Variants in PDGFD observed in about 807,000 individuals in gnomAD.
PDGFD encodes the protein platelet derived growth factor D, also known as platelet-derived growth factor D.
A neutral mutation model predicts 44.7 loss-of-function variants in PDGFD; 30 were observed. The observed-to-expected ratio is 0.67, with a 90% CI of 0.50 to 0.91. The LOEUF is 0.91. Ranked by LOEUF, PDGFD falls within the 40% of genes least tolerant of loss-of-function variation. The pLI is 0.00. For missense variants in PDGFD, 445 were observed against 457.8 expected (o/e 0.97, Z 0.25); for synonymous variants, 173 against 168.4 (o/e 1.03, Z -0.21).
intron 1 of PDGFD, among the ~76,000 whole-genome samples, chr11:104,023,641 A>G (rs1390436379): frequency 6.6e-6 from 1 of 152,180 alleles, no homozygotes. Context: ...GAAATGTCAC[A>G]TAACTTTTTC....
chr11:104,037,657 A>G (rs1159410971), intron 1 of PDGFD: 14 of 1,614,046 alleles, frequency 8.7e-6, no homozygotes, highest in Non-Finnish European at 1.2e-5. Context: ...ATGTAACATC[A>G]TGAGGCTGGT....
intron 3 of PDGFD, among the ~76,000 whole-genome samples, chr11:103,950,594 A>ATAAATAAATAAATAAATAAG (rs1858740230): frequency 6.6e-6 from 1 of 151,832 alleles, no homozygotes; most frequent in South Asian, 2.1e-4. Flanking sequence ...AAATAAATAA[A>ATAAATAAATAAATAAATAAG]TAAGAAAATG....
chr11:104,150,855 A>G (rs1862233565), intron 1 of PDGFD, among the ~76,000 whole-genome samples: 2 of 152,198 alleles, frequency 1.3e-5, no homozygotes, highest in Admixed American at 1.3e-4. Flanking sequence ...AAGATCCTTA[A>G]GTAAATCATA....
At chr11:104,054,404 G>A (rs1860590634) in intron 1 of PDGFD, among the ~76,000 whole-genome samples, 2 of 151,956 alleles carry the variant, frequency 1.3e-5, no homozygotes, top group South Asian at 2.1e-4. Context: ...CTAAATATAC[G>A]ACAATGTAAA....
At chr11:104,053,972 A>C (rs1860581088) in intron 1 of PDGFD, among the ~76,000 whole-genome samples, 1 of 152,196 alleles carries the variant, frequency 6.6e-6, no homozygotes, top group Non-Finnish European at 1.5e-5. Context: ...TGACATATAG[A>C]AAGAACAAAA....
At chr11:104,109,446 G>A (rs932735260) in intron 1 of PDGFD, among the ~76,000 whole-genome samples, 7 of 152,040 alleles carry the variant, frequency 4.6e-5, no homozygotes, top group African/African-American at 1.7e-4. Flanking sequence ...ATCAATAAAT[G>A]CTATTGATGT....
intron 3 of PDGFD, among the ~76,000 whole-genome samples, chr11:103,968,745 C>T (rs1328121590): frequency 6.6e-6 from 1 of 152,104 alleles, no homozygotes; most frequent in Non-Finnish European, 1.5e-5. Flanking sequence ...AAAGCAAAAT[C>T]GAAACATACA....
At chr11:103,975,530 C>T (rs1376683173) in intron 3 of PDGFD, among the ~76,000 whole-genome samples, 1 of 152,020 alleles carries the variant, frequency 6.6e-6, no homozygotes, top group Non-Finnish European at 1.5e-5. Flanking sequence ...CTTTTGTTGC[C>T]ATTGCTTTTG....
intron 1 of PDGFD, among the ~76,000 whole-genome samples, chr11:104,018,408 C>G (rs766441465): frequency 3.9e-5 from 6 of 152,158 alleles, no homozygotes; most frequent in Non-Finnish European, 5.9e-5. Context: ...TATCTCACTT[C>G]GTTAGATTTA....
intron 3 of PDGFD, among the ~76,000 whole-genome samples, chr11:103,971,699 A>T (rs1436472121): frequency 6.6e-6 from 1 of 152,216 alleles, no homozygotes; most frequent in Non-Finnish European, 1.5e-5. Flanking sequence ...CTAGGACATT[A>T]TGTTGTTTAT....
At chr11:104,115,826 G>A (rs751389344) in intron 1 of PDGFD, among the ~76,000 whole-genome samples, 1 of 151,844 alleles carries the variant, frequency 6.6e-6, no homozygotes, top group Non-Finnish European at 1.5e-5. Flanking sequence ...TTGGCCATTT[G>A]TATATCTTCT....
At chr11:103,946,868 T>A (rs1377847356) in intron 4 of PDGFD, among the ~76,000 whole-genome samples, 1 of 151,924 alleles carries the variant, frequency 6.6e-6, no homozygotes, top group Non-Finnish European at 1.5e-5. Flanking sequence ...AAAGAGTTTT[T>A]AAAAAATCCT....
intron 1 of PDGFD, among the ~76,000 whole-genome samples, chr11:104,084,089 C>T (rs1861085473): frequency 6.6e-6 from 1 of 152,162 alleles, no homozygotes; most frequent in South Asian, 2.1e-4. Context: ...TGCATTTGCT[C>T]AACAAATGTG....
intron 1 of PDGFD, among the ~76,000 whole-genome samples, chr11:104,014,078 G>A (rs1039303264): frequency 1.3e-5 from 2 of 152,136 alleles, no homozygotes; most frequent in African/African-American, 4.8e-5. Flanking sequence ...AAATGGAAAT[G>A]ACAAATTAAC....
chr11:104,033,727 A>G (rs976908716), intron 1 of PDGFD, among the ~76,000 whole-genome samples: 2 of 152,182 alleles, frequency 1.3e-5, no homozygotes, highest in Non-Finnish European at 2.9e-5. Context: ...CTATTTGGGG[A>G]AAAAAGATAA....
At chr11:103,942,162 T>C (rs1487914) in intron 5 of PDGFD, among the ~76,000 whole-genome samples, 86,660 of 151,988 alleles carry the variant, frequency 0.57, 27,062 homozygotes, top group African/African-American at 0.84. Flanking sequence ...AGGTTCACAG[T>C]TCTTAAAAGT....
intron 6 of PDGFD, among the ~76,000 whole-genome samples, chr11:103,913,944 T>C (rs1858071597): frequency 6.6e-6 from 1 of 152,006 alleles, no homozygotes; most frequent in Non-Finnish European, 1.5e-5. Flanking sequence ...TGTATGGACC[T>C]TGGGGGACAG....
intron 5 of PDGFD, among the ~76,000 whole-genome samples, chr11:103,937,526 T>C (rs561080183): frequency 1.3e-5 from 2 of 152,306 alleles, no homozygotes; most frequent in South Asian, 2.1e-4. Context: ...CATAGGTATA[T>C]GTTTTTTCTG....
At chr11:104,146,140 G>A (rs776621291) in intron 1 of PDGFD, among the ~76,000 whole-genome samples, 26 of 152,172 alleles carry the variant, frequency 1.7e-4, no homozygotes, top group Admixed American at 8.5e-4. Context: ...TTAAAGTTTC[G>A]ACAAACACTG....
Sources: allele counts gnomAD v4.1 joint callset (sites outside exome capture counted in the v4.1 genomes callset), GRCh38; gene constraint gnomAD v4.1.1; transcripts MANE v1.5; gene names NCBI Gene and HGNC (gene_info 2026-07-23, HGNC 2026-07-21).